Variants in FAM210A observed in about 807,000 individuals in gnomAD.
FAM210A encodes the protein mitochondrial inner membrane scaffold 1, also known as family with sequence similarity 210 member A.
A neutral mutation model predicts 25.3 loss-of-function variants in FAM210A; 13 were observed. The ratio of observed to expected loss-of-function variants is 0.51; its 90% CI spans 0.33 to 0.82. The LOEUF (loss-of-function observed/expected upper bound fraction) is 0.82, where lower values mean the gene tolerates loss of function less well. Ranked by LOEUF, FAM210A falls within the 40% of genes least tolerant of loss-of-function variation. The pLI is 0.02. For missense variants in FAM210A, 319 were observed against 323.2 expected (o/e 0.99, Z 0.10); for synonymous variants, 125 against 118.7 (o/e 1.05, Z -0.35).
intron 1 of FAM210A, among the ~76,000 whole-genome samples, chr18:13,697,324 A>T (rs994933395): frequency 3.7e-4 from 56 of 152,326 alleles, no homozygotes; most frequent in African/African-American, 1.2e-3. Flanking sequence ...ACACAGAAAA[A>T]GATGTTCAAT....
intron 1 of FAM210A, among the ~76,000 whole-genome samples, chr18:13,683,763 A>G (rs540629536): frequency 1.3e-5 from 2 of 152,276 alleles, no homozygotes; most frequent in South Asian, 4.2e-4. Context: ...TAACATGTTG[A>G]GAACAGACAC....
intron 1 of FAM210A, among the ~76,000 whole-genome samples, chr18:13,722,931 C>T (rs1025073307): frequency 6.6e-6 from 1 of 151,900 alleles, no homozygotes; most frequent in African/African-American, 2.4e-5. Context: ...GCAACCTCCG[C>T]CTCCTGGGTT....
chr18:13,705,657 A>G (rs2043772683), intron 1 of FAM210A, among the ~76,000 whole-genome samples: 2 of 152,070 alleles, frequency 1.3e-5, no homozygotes, highest in Admixed American at 1.3e-4. Flanking sequence ...TTTTTAGTAG[A>G]GACAGGGTTT....
intron 1 of FAM210A, among the ~76,000 whole-genome samples, chr18:13,683,792 AACAG>A (rs1383910082): frequency 1.3e-5 from 2 of 152,178 alleles, no homozygotes; most frequent in African/African-American, 4.8e-5. Flanking sequence ...TATCCTAAGT[AACAG>A]ACAGTGAGAT....
chr18:13,697,208 CTG>C (rs768472195), intron 1 of FAM210A, among the ~76,000 whole-genome samples: 1 of 152,072 alleles, frequency 6.6e-6, no homozygotes, highest in Admixed American at 6.6e-5. Flanking sequence ...CAACGTGTGA[CTG>C]TATACAAAGA....
intron 2 of FAM210A, among the ~76,000 whole-genome samples, chr18:13,673,954 G>A (rs1197324202): frequency 9.3e-5 from 5 of 53,582 alleles, no homozygotes; most frequent in African/African-American, 3.5e-4. Context: ...CCTGAGCCCC[G>A]ACTTCTTTAT....
chr18:13,713,731 C>CACACACACACACAG (rs1426572372), intron 1 of FAM210A, among the ~76,000 whole-genome samples: 1 of 150,990 alleles, frequency 6.6e-6, no homozygotes, highest in East Asian at 1.9e-4. Flanking sequence ...ATAAAACACA[C>CACACACACACACAG]ACACACACAC....
intron 1 of FAM210A, among the ~76,000 whole-genome samples, chr18:13,719,274 AC>A (rs1301446435): frequency 6.6e-6 from 1 of 152,178 alleles, no homozygotes; most frequent in East Asian, 1.9e-4. Flanking sequence ...AGGAAGAGTT[AC>A]TATAATTCAT....
intron 1 of FAM210A, among the ~76,000 whole-genome samples, chr18:13,713,811 G>A (rs1601967895): frequency 6.6e-6 from 1 of 151,400 alleles, no homozygotes; most frequent in East Asian, 1.9e-4. Flanking sequence ...CACAATCATA[G>A]CTCATCAAAA....
chr18:13,690,826 A>T (rs1489272363), intron 1 of FAM210A, among the ~76,000 whole-genome samples: 1 of 152,224 alleles, frequency 6.6e-6, no homozygotes, highest in Non-Finnish European at 1.5e-5. Flanking sequence ...AAAGCTGAAA[A>T]TACTCATCAG....
intron 3 of FAM210A, among the ~76,000 whole-genome samples, chr18:13,669,393 C>T (rs1019012091): frequency 3.3e-5 from 5 of 152,200 alleles, no homozygotes; most frequent in Non-Finnish European, 5.9e-5. Flanking sequence ...ACGCCATTCT[C>T]TGCCCTGTTC....
chr18:13,703,687 A>C (rs1197458556), intron 1 of FAM210A, among the ~76,000 whole-genome samples: 2 of 152,240 alleles, frequency 1.3e-5, no homozygotes, highest in Non-Finnish European at 2.9e-5. Flanking sequence ...CTGTCTGTGT[A>C]GTTATATATG....
At chr18:13,702,666 T>C (rs2043749710) in intron 1 of FAM210A, among the ~76,000 whole-genome samples, 1 of 152,184 alleles carries the variant, frequency 6.6e-6, no homozygotes, top group Non-Finnish European at 1.5e-5. Flanking sequence ...CTAGACTCCT[T>C]CTGGAAAGGG....
At chr18:13,692,771 C>T (rs1052802980) in intron 1 of FAM210A, among the ~76,000 whole-genome samples, 2 of 152,182 alleles carry the variant, frequency 1.3e-5, no homozygotes, top group South Asian at 4.1e-4. Context: ...AATTTATACA[C>T]TAAATGCCCA....
intron 2 of FAM210A, among the ~76,000 whole-genome samples, chr18:13,679,348 A>T (rs996712823): frequency 2.0e-5 from 3 of 152,244 alleles, no homozygotes; most frequent in Non-Finnish European, 4.4e-5. Flanking sequence ...AAATATAACT[A>T]GCCTCTTGTC....
intron 2 of FAM210A, among the ~76,000 whole-genome samples, chr18:13,676,198 C>T (rs2043498973): frequency 1.6e-5 from 2 of 123,754 alleles, no homozygotes; most frequent in South Asian, 2.9e-4. Flanking sequence ...TGATTATTAA[C>T]ATTCCTGAGC....
intron 1 of FAM210A, among the ~76,000 whole-genome samples, chr18:13,718,277 A>G (rs1403274536): frequency 6.6e-6 from 1 of 152,126 alleles, no homozygotes; most frequent in Admixed American, 6.6e-5. Flanking sequence ...AGTAAGGATT[A>G]TTTTTACCTT....
intron 2 of FAM210A, among the ~76,000 whole-genome samples, chr18:13,678,341 G>A (rs540406292): frequency 2.4e-4 from 36 of 151,998 alleles, no homozygotes; most frequent in African/African-American, 6.8e-4. Context: ...TGAGATCTCG[G>A]CTCATGGCAA....
intron 1 of FAM210A, among the ~76,000 whole-genome samples, chr18:13,704,910 G>T (rs915978526): frequency 2.0e-5 from 3 of 151,930 alleles, no homozygotes; most frequent in Non-Finnish European, 4.4e-5. Flanking sequence ...TGCTTAATGC[G>T]GTTTCTAAAA....
Sources: gnomAD v4.1 joint callset for allele counts (sites outside exome capture counted in the v4.1 genomes callset) on GRCh38, gnomAD v4.1.1 for gene constraint, MANE v1.5 for transcripts, NCBI Gene and HGNC (gene_info 2026-07-23, HGNC 2026-07-21) for gene names.